IRAK2: variants seen among roughly 807,000 people sequenced by gnomAD.
The protein encoded by IRAK2 is interleukin-1 receptor-associated kinase-like 2.
Under a neutral mutation model 72.0 loss-of-function variants are expected in IRAK2, and 57 were observed. That is an observed-to-expected ratio of 0.79 (90% confidence interval 0.64 to 0.99). The LOEUF (loss-of-function observed/expected upper bound fraction) is 0.99. IRAK2 is among the 50% of genes least tolerant of loss of function. The pLI, the probability that IRAK2 is intolerant of heterozygous loss-of-function variation, is 0.00. For synonymous variants in IRAK2, 293 were observed against 312.7 expected (o/e 0.94, Z 0.67); for missense variants, 790 against 794.4 (o/e 0.99, Z 0.07).
chr3:10,220,055 A>G (rs1227937274), intron 8 of IRAK2, among the ~76,000 whole-genome samples: 1 of 152,110 alleles, frequency 6.6e-6, no homozygotes, highest in Admixed American at 6.5e-5. Context: ...TGTTTTCCCA[A>G]CAAGCCCTCC....
At chr3:10,194,602 G>A (rs1697235542) in intron 2 of IRAK2, among the ~76,000 whole-genome samples, 1 of 152,164 alleles carries the variant, frequency 6.6e-6, no homozygotes, top group South Asian at 2.1e-4. Flanking sequence ...CAGCCTGAAT[G>A]AGTGGGCGTT....
chr3:10,206,104 G>A (rs1418285549), intron 3 of IRAK2, among the ~76,000 whole-genome samples: 3 of 151,272 alleles, frequency 2.0e-5, no homozygotes, highest in Non-Finnish European at 4.4e-5. Flanking sequence ...TGCAGAGGGA[G>A]CTGGGCAAGG....
intron 2 of IRAK2, among the ~76,000 whole-genome samples, chr3:10,186,853 G>A (rs1327104630): frequency 6.7e-6 from 1 of 149,552 alleles, no homozygotes. Flanking sequence ...ATGCAGTGGG[G>A]CAGTGGTACA....
At chr3:10,197,002 T>C (rs758763112) in intron 2 of IRAK2, among the ~76,000 whole-genome samples, 1 of 152,176 alleles carries the variant, frequency 6.6e-6, no homozygotes, top group Non-Finnish European at 1.5e-5. Flanking sequence ...TTAAAAGAAG[T>C]ATACTTTACT....
At chr3:10,210,442 G>C (rs1697500502) in intron 4 of IRAK2, among the ~76,000 whole-genome samples, 1 of 152,080 alleles carries the variant, frequency 6.6e-6, no homozygotes, top group South Asian at 2.1e-4. Flanking sequence ...TAAAAATGAG[G>C]ACATTTCTTT....
rs11465864 is a variant in IRAK2, at chr3:10,177,883, C to A, written c.140C>A (p.Ser47Tyr). The change falls in exon 2 of 13, where the codon TCC becomes TAC. Residue 47 changes from serine to tyrosine, a missense_variant. Physicochemically the swap from Ser to Tyr is moderately radical, Grantham distance 144. Transcript: ENST00000256458. ...CTGACCCAGCTGCGGAAGATCAAGTCCATGGAGCGGGTGCAGGGTGTGAGC... is the reference window on the plus strand; with the variant it reads ...CTGACCCAGCTGCGGAAGATCAAGTACATGGAGCGGGTGCAGGGTGTGAGC... ...TDLTQLRKIK[S>Y]MERVQGVSIT... 27,336 of 1,613,756 alleles carry A rather than the reference C, an allele frequency of 0.017. 285 individuals carry two copies. Among genetic ancestry groups the A allele is most frequent in the Non-Finnish European group, 0.019 (22,565 of 1,180,014 alleles).
intron 6 of IRAK2, among the ~76,000 whole-genome samples, chr3:10,214,540 CTT>C (rs71055807): frequency 2.1e-5 from 3 of 140,978 alleles, no homozygotes; most frequent in African/African-American, 5.3e-5. Context: ...CATGTGTGTG[CTT>C]TTTTTTTTTT....
intron 12 of IRAK2, 78 bp downstream of exon 12, chr3:10,239,117 GCCTTCATTCACT>G: frequency 1.5e-6 from 2 of 1,301,316 alleles, no homozygotes; most frequent in South Asian, 2.9e-5. Context: ...TCTTTCTGTT[GCCTTCATTCACT>G]CCTTCATTTG....
intron 1 of IRAK2, among the ~76,000 whole-genome samples, chr3:10,176,928 G>A (rs943991199): frequency 6.6e-6 from 1 of 150,910 alleles, no homozygotes; most frequent in South Asian, 2.1e-4. Context: ...TCAGCCTCCC[G>A]AGTAGCTGGG....
chr3:10,240,810 C>T (rs544030092), intron 12 of IRAK2, among the ~76,000 whole-genome samples: 47 of 151,552 alleles, frequency 3.1e-4, no homozygotes, highest in African/African-American at 1.0e-3. Flanking sequence ...CCGCCCACCT[C>T]GGCCTCCCAA....
intron 2 of IRAK2, among the ~76,000 whole-genome samples, chr3:10,185,409 T>C (rs1697058777): frequency 6.7e-6 from 1 of 149,792 alleles, no homozygotes; most frequent in African/African-American, 2.5e-5. Flanking sequence ...AACACAAAAT[T>C]AGCCGGGCGT....
At chr3:10,231,174 C>A (rs1478591759) in intron 10 of IRAK2, among the ~76,000 whole-genome samples, 1 of 152,010 alleles carries the variant, frequency 6.6e-6, no homozygotes, top group Non-Finnish European at 1.5e-5. Flanking sequence ...AATATAAAAC[C>A]AAAATAATTA....
intron 3 of IRAK2, among the ~76,000 whole-genome samples, chr3:10,206,886 G>A (rs1209341111): frequency 3.3e-5 from 5 of 149,878 alleles, no homozygotes; most frequent in East Asian, 2.0e-4. Flanking sequence ...ATACAGTCTC[G>A]CTCTGTCCCC....
chr3:10,209,656 C>G lies in IRAK2; in HGVS notation c.492C>G (p.Ser164=), dbSNP rs464286. The G allele has an allele frequency of 0.074, 115,872 of 1,562,876 alleles. 5,122 individuals are homozygous for G. Among genetic ancestry groups the G allele is most frequent in the East Asian group, 0.2 (7,884 of 40,404 alleles). The change falls in exon 4 of 13, where the codon TCC becomes TCG. Residue 164 remains serine (S), a synonymous_variant. Coordinates refer to ENST00000256458, the MANE Select transcript of IRAK2 (RefSeq NM_001570.4). ...LQPPEEDAPH[S]LRSDLPTSSD... ...CTCCTGAAGAAGATGCCCCTCATTC[C>G]TTGAGAAGCGACCTCCCCACTTCGT...
chr3:10,202,513 C>T (rs1460766734), intron 3 of IRAK2, among the ~76,000 whole-genome samples: 3 of 151,982 alleles, frequency 2.0e-5, no homozygotes, highest in South Asian at 4.1e-4. Flanking sequence ...GTCCCAGCTA[C>T]GCGAGAGGCT....
chr3:10,184,372 T>C (rs1219130305), intron 2 of IRAK2, among the ~76,000 whole-genome samples: 1 of 152,212 alleles, frequency 6.6e-6, no homozygotes, highest in African/African-American at 2.4e-5. Flanking sequence ...CACCCAGATA[T>C]CTGTATACAC....
intron 6 of IRAK2, among the ~76,000 whole-genome samples, chr3:10,215,143 T>C (rs1374252441): frequency 5.3e-5 from 8 of 151,584 alleles, no homozygotes; most frequent in Non-Finnish European, 1.2e-4. Flanking sequence ...TGCCAGCACT[T>C]TGGGAGGCCG....
At chr3:10,185,512 C>T (rs1330769268) in intron 2 of IRAK2, among the ~76,000 whole-genome samples, 3 of 141,392 alleles carry the variant, frequency 2.1e-5, no homozygotes, top group Admixed American at 7.3e-5. Flanking sequence ...GAGCCAAGAT[C>T]GCACCATTGT....
chr3:10,227,498 T>G (rs1170469203), intron 10 of IRAK2, among the ~76,000 whole-genome samples: 1 of 152,038 alleles, frequency 6.6e-6, no homozygotes, highest in African/African-American at 2.4e-5. Flanking sequence ...TTAAATACTT[T>G]CCATACATTA....
Sources: allele counts gnomAD v4.1 joint callset (sites outside exome capture counted in the v4.1 genomes callset), GRCh38; gene constraint gnomAD v4.1.1; transcripts MANE v1.5; gene names NCBI Gene and HGNC (gene_info 2026-07-23, HGNC 2026-07-21).